Variants in GLT1D1 observed in about 807,000 individuals in gnomAD.
GLT1D1 encodes the protein glycosyltransferase 1 domain containing 1.
Under a neutral mutation model 28.7 loss-of-function variants are expected in GLT1D1, and 21 were observed. The ratio of observed to expected loss-of-function variants is 0.73; its 90% confidence interval spans 0.52 to 1.05. GLT1D1 has a LOEUF of 1.05. Among genes scored for constraint, GLT1D1 ranks in the 50% least tolerant of loss-of-function variants. The pLI, the probability that GLT1D1 is intolerant of heterozygous loss-of-function variation, is 0.00. For missense variants in GLT1D1, 343 were observed against 330.6 expected (o/e 1.04, Z -0.29); for synonymous variants, 147 against 124.8 (o/e 1.18, Z -1.19).
At chr12:128,885,613 G>A (rs1367148957) in intron 2 of GLT1D1, among the ~76,000 whole-genome samples, 1 of 152,206 alleles carries the variant, frequency 6.6e-6, no homozygotes, top group African/African-American at 2.4e-5. Flanking sequence ...TCTAGGCGGA[G>A]AAGCAGAATT....
In GLT1D1 at chr12:128,897,024, C is replaced by T. The variant is rs114470965; in HGVS notation, c.324-2212C>T. ...GAAAGAATATTTGCATTTTAATTCA[C>T]CAAGTGGGTGTATGTTTTCATTTTT... On this transcript the variant is annotated intron_variant, in intron 3 of 7. Coordinates refer to ENST00000281703, the MANE Select transcript of GLT1D1 (RefSeq NM_144669.3). Among the ~76,000 whole-genome samples, 607 of 152,246 alleles carry T rather than the reference C, an allele frequency of 4.0e-3. 8 individuals are homozygous for T. The highest frequency in any genetic ancestry group is 0.014 in the African/African-American group (585 of 41,534).
chr12:128,917,833 C>T (rs181908203), intron 4 of GLT1D1, among the ~76,000 whole-genome samples: 17 of 152,234 alleles, frequency 1.1e-4, no homozygotes, highest in East Asian at 9.7e-4. Flanking sequence ...CAGATGCTGG[C>T]GAGCTTGTGG....
At chr12:128,900,647 T>C (rs1037243521) in intron 4 of GLT1D1, among the ~76,000 whole-genome samples, 2 of 151,764 alleles carry the variant, frequency 1.3e-5, no homozygotes, top group African/African-American at 2.4e-5. Flanking sequence ...TTTTTTTTTT[T>C]TTTTTTGAGA....
At chr12:128,934,803 T>C (rs1348122160) in intron 4 of GLT1D1, among the ~76,000 whole-genome samples, 1 of 152,168 alleles carries the variant, frequency 6.6e-6, no homozygotes, top group Non-Finnish European at 1.5e-5. Context: ...CATTCAAGGC[T>C]TCACACCTGA....
intron 3 of GLT1D1, among the ~76,000 whole-genome samples, chr12:128,892,347 G>A (rs546311668): frequency 2.6e-5 from 4 of 152,256 alleles, no homozygotes; most frequent in South Asian, 4.1e-4. Context: ...ATTAAAACAC[G>A]TTGGGGTTAC....
intron 4 of GLT1D1, chr12:128,907,011 T>G: frequency 2.9e-6 from 2 of 700,772 alleles, no homozygotes; most frequent in Middle Eastern, 2.3e-4. Flanking sequence ...ATGAGCTGCG[T>G]GTCTCCTTAT....
chr12:128,887,846 G>A (rs1868574325), intron 2 of GLT1D1, among the ~76,000 whole-genome samples: 1 of 152,124 alleles, frequency 6.6e-6, no homozygotes, highest in Admixed American at 6.5e-5. Context: ...GGTCTGTTGG[G>A]TGATTTGTAG....
At chr12:128,906,814 C>A (rs1870927583) in intron 4 of GLT1D1, 8 of 557,484 alleles carry the variant, frequency 1.4e-5, no homozygotes, top group Non-Finnish European at 2.3e-5. Context: ...AGAAAAGTAA[C>A]TTCTTCAAGT....
At chr12:128,937,583 GA>G (rs1472819929) in intron 4 of GLT1D1, among the ~76,000 whole-genome samples, 1 of 152,134 alleles carries the variant, frequency 6.6e-6, no homozygotes, top group Non-Finnish European at 1.5e-5. Context: ...CTGGTAGAGA[GA>G]ATGCAGGGAC....
chr12:128,885,125 A>T (rs1156330552), intron 2 of GLT1D1, among the ~76,000 whole-genome samples: 1 of 152,130 alleles, frequency 6.6e-6, no homozygotes. Context: ...CCATATATAT[A>T]TACAATAATA....
intron 7 of GLT1D1, among the ~76,000 whole-genome samples, chr12:128,978,403 C>T (rs903685759): frequency 7.9e-5 from 12 of 152,192 alleles, no homozygotes; most frequent in Admixed American, 4.6e-4. Flanking sequence ...TCTCCTCCTC[C>T]GTGTGAGTGT....
intron 4 of GLT1D1, among the ~76,000 whole-genome samples, chr12:128,941,737 C>G (rs1875281298): frequency 6.6e-6 from 1 of 151,386 alleles, no homozygotes; most frequent in Non-Finnish European, 1.5e-5. Context: ...ACCCCCACGC[C>G]CAGTCAATTT....
intron 4 of GLT1D1, among the ~76,000 whole-genome samples, chr12:128,930,998 C>CTT (rs1237645570): frequency 8.9e-5 from 13 of 145,522 alleles, no homozygotes; most frequent in East Asian, 6.0e-4. Flanking sequence ...TTCTACCACC[C>CTT]TTTTTTTTTT....
At chr12:128,859,845 G>GA (rs538257875) in intron 1 of GLT1D1, among the ~76,000 whole-genome samples, 1 of 152,016 alleles carries the variant, frequency 6.6e-6, no homozygotes, top group Non-Finnish European at 1.5e-5. Flanking sequence ...AAAATACTGG[G>GA]AAAAAAAGAC....
At chr12:128,960,608 T>C (rs1196619489) in intron 7 of GLT1D1, among the ~76,000 whole-genome samples, 1 of 151,594 alleles carries the variant, frequency 6.6e-6, no homozygotes, top group Non-Finnish European at 1.5e-5. Context: ...AATATGAAAA[T>C]GAGCCAGGTG....
At chr12:128,899,120 C>A in intron 3 of GLT1D1, 116 bp from the exon 4 acceptor site, 3 of 734,926 alleles carry the variant, frequency 4.1e-6, no homozygotes, top group Non-Finnish European at 4.8e-6. Context: ...AGATTGATTG[C>A]ATTTTAAATT....
chr12:128,911,654 C>A (rs1871546307), intron 4 of GLT1D1, among the ~76,000 whole-genome samples: 1 of 152,172 alleles, frequency 6.6e-6, no homozygotes, highest in African/African-American at 2.4e-5. Context: ...TCTGCTCCTG[C>A]CTCCACCTTT....
intron 2 of GLT1D1, among the ~76,000 whole-genome samples, chr12:128,884,456 C>T (rs1210811550): frequency 6.6e-6 from 1 of 152,122 alleles, no homozygotes; most frequent in Non-Finnish European, 1.5e-5. Flanking sequence ...AGGAGGAATA[C>T]ATTCAAGATT....
chr12:128,956,171 A>AAAAAAAAAAAAAAAAAGAG lies in GLT1D1; in HGVS notation c.541-1373_541-1372insAAAAAAAAAAAAAAAGAGA, dbSNP rs374597920. On this transcript the variant is annotated intron_variant, in intron 6 of 7. Coordinates refer to ENST00000281703, the MANE Select transcript of GLT1D1 (RefSeq NM_144669.3). ...GAGACTCCATCTCAAAAAAAAAAAA[A>AAAAAAAAAAAAAAAAAGAG]AGAGAAAGAGAGAAAGAAAGAAAGA... Among the ~76,000 whole-genome samples the AAAAAAAAAAAAAAAAAGAG allele has an allele frequency of 4.8e-3, 306 of 63,758 alleles. 23 individuals are homozygous for AAAAAAAAAAAAAAAAAGAG. The highest frequency in any genetic ancestry group is 0.014 in the Middle Eastern group (2 of 144). 41.8% of individuals were successfully genotyped at this position (63,758 alleles called of 152,430 possible).
Sources: gnomAD v4.1 joint callset for allele counts (sites outside exome capture counted in the v4.1 genomes callset) on GRCh38, gnomAD v4.1.1 for gene constraint, MANE v1.5 for transcripts, NCBI Gene and HGNC (gene_info 2026-07-23, HGNC 2026-07-21) for gene names.